Variants in AP3B2 observed in about 807,000 individuals in gnomAD.
AP3B2 encodes the protein adaptor related protein complex 3 subunit beta 2, also known as AP-3 complex subunit beta-2.
AP3B2 carries 50 observed loss-of-function variants against 126.9 expected under a neutral mutation model. The ratio of observed to expected loss-of-function variants is 0.39; its 90% CI spans 0.31 to 0.50. AP3B2 has a LOEUF of 0.50. Ranked by LOEUF, AP3B2 falls within the 20% of genes least tolerant of loss-of-function variation. The pLI, the probability that AP3B2 is intolerant of heterozygous loss-of-function variation, is 0.79. For missense variants in AP3B2, 1,177 were observed against 1,426.4 expected (o/e 0.83, Z 2.82); for synonymous variants, 541 against 565.0 (o/e 0.96, Z 0.60).
In AP3B2 at chr15:82,680,113, G is replaced by A; in HGVS notation, c.1110+62C>T. The A allele has an allele frequency of 3.1e-6, 5 of 1,602,020 alleles. No individual in the cohort carries two copies. The highest frequency in any genetic ancestry group is 4.3e-6 in the Non-Finnish European group (5 of 1,173,240). On this transcript the variant is annotated intron_variant, in intron 9 of 26. Transcript: ENST00000535359. This position sits in a 1 kb window ranked among gnomAD's most constrained non-coding sequence, Gnocchi z 6.1. ...CGGCCCCGGTCCCAGCCCCGACAAC[G>A]CCTCCAGTGCCCGCAGAAGCGGCCC...
intron 12 of AP3B2, 84 bp from the exon 13 acceptor site, chr15:82,677,467 G>A: frequency 7.1e-7 from 1 of 1,412,320 alleles, no homozygotes; most frequent in Non-Finnish European, 9.8e-7. Flanking sequence ...AGTGCCCCAG[G>A]CCCTTGGCTC....
intron 14 of AP3B2, 136 bp from the exon 15 acceptor site, chr15:82,667,069 G>C: frequency 2.4e-6 from 2 of 847,062 alleles, no homozygotes; most frequent in Non-Finnish European, 3.6e-6. Flanking sequence ...CCACCCAGCT[G>C]TCCCTCCCCA....
At position 82,659,497 on chromosome 15, in the gene AP3B2, C is replaced by CT; in HGVS notation, c.*62dup. ...GAGAGAGAGAGAAAGATGAGAGAGA[C>CT]TGACAGCCTAGGTGTCATGGGGAGG... On this transcript the variant is annotated 3_prime_UTR_variant, in exon 27 of 27. Coordinates refer to ENST00000535359, the MANE Select transcript of AP3B2 (RefSeq NM_001278512.2). 2.7e-5 allele frequency: 43 copies of CT among 1,580,400 alleles called. No individual in the cohort carries two copies. The highest frequency in any genetic ancestry group is 3.6e-5 in the Non-Finnish European group (42 of 1,156,750).
rs185180819 is a variant in AP3B2, at chr15:82,662,639, A to G, written c.2833+55T>C. 5 of 1,511,114 alleles carry G rather than the reference A, an allele frequency of 3.3e-6. No homozygotes were observed. In the African/African-American group the frequency reaches 6.9e-5, roughly 21 times the overall value. The allele number at this position is 1,511,114 out of a possible 1,614,324, so 93.6% of individuals were successfully genotyped here. A position where few individuals can be genotyped will look rare whatever the true frequency, so the allele number is the denominator to read the frequency against. On this transcript the variant is annotated intron_variant, in intron 23 of 26. Transcript: ENST00000535359. ...CAAGGAGGGTATCAGCAACCACAGA[A>G]AGACTGACTCTGCCCAGGAGCCTCC...
chr15:82,670,148 C>T (rs1156761399), intron 14 of AP3B2, among the ~76,000 whole-genome samples: 2 of 116,850 alleles, frequency 1.7e-5, no homozygotes, highest in East Asian at 5.8e-4. Flanking sequence ...TCGCTCTTGT[C>T]CCCTAGGCTG....
chr15:82,683,049 T>G (rs1248947187), intron 4 of AP3B2, among the ~76,000 whole-genome samples: 2 of 66,686 alleles, frequency 3.0e-5, no homozygotes, highest in East Asian at 3.9e-4. Context: ...CACCAGGAGT[T>G]TTTTTTTTTT....
At chr15:82,688,322 A>G (rs2048465884) in intron 4 of AP3B2, 17 of 655,604 alleles carry the variant, frequency 2.6e-5, no homozygotes, top group Non-Finnish European at 3.9e-5. Context: ...ACAAAAGGTG[A>G]GAATGGTGTG....
intron 10 of AP3B2, among the ~76,000 whole-genome samples, 171 bp from the exon 11 acceptor site, chr15:82,678,338 G>C (rs1423187397): frequency 6.6e-6 from 1 of 152,200 alleles, no homozygotes; most frequent in Non-Finnish European, 1.5e-5. Flanking sequence ...AAAAGCAAGA[G>C]GACCAGTTTG....
rs1460476074 is a variant in AP3B2 at position 82,691,957 on chromosome 15, C to A, written c.114-2504G>T. 20 of 1,416,410 alleles carry A rather than the reference C, an allele frequency of 1.4e-5. No individual in the cohort carries two copies. The East Asian group carries it at 4.6e-4, about 33-fold the overall frequency. The allele number at this position is 1,416,410 out of a possible 1,614,324, so 87.7% of individuals were successfully genotyped here. A position where few individuals can be genotyped will look rare whatever the true frequency, so the allele number is the denominator to read the frequency against. ...GATACTCAACCATCCCCACACCGTC[C>A]TTCTGCACATCGGCATAACAGACAT... On this transcript the variant is annotated intron_variant, in intron 1 of 26. Transcript: ENST00000535359.
chr15:82,682,153 G>C (rs1417739023), intron 4 of AP3B2, among the ~76,000 whole-genome samples: 1 of 142,416 alleles, frequency 7.0e-6, no homozygotes, highest in African/African-American at 2.6e-5. Context: ...CTGGGTTCAA[G>C]CGATTCTCCT....
At chr15:82,660,081 A>C in intron 25 of AP3B2, 98 bp from the exon 26 acceptor site, 1 of 1,451,524 alleles carries the variant, frequency 6.9e-7, no homozygotes, top group Non-Finnish European at 9.4e-7. Flanking sequence ...CAGGCTGGGA[A>C]GGTATCATGC....
intron 25 of AP3B2, among the ~76,000 whole-genome samples, chr15:82,661,058 C>T (rs945005803): frequency 3.9e-5 from 6 of 152,278 alleles, no homozygotes; most frequent in Non-Finnish European, 4.4e-5. Context: ...GTTGTCTCTC[C>T]TGGTTCTCCT....
Position 82,680,886 on chromosome 15 carries a change from CT to C in AP3B2, c.721del (p.Ser241AlafsTer12). 6.2e-7 allele frequency: 1 copy of C among 1,613,890 alleles called. No homozygotes were observed. Reference protein sequence around the residue: ...VEEWGQVVIISMLTRYARTQF... With the variant: ...VEEWGQVVIIXMLTRYARTQF... ...CGTGCGGGCGTAGCGGGTGAGCATG[CT>C]GATGATGACCACCTGGCCCCACTCC... On this transcript the variant is annotated frameshift_variant, in exon 7 of 27. Transcript: ENST00000535359. LOFTEE classifies it high-confidence loss of function. This position sits in a 1 kb window ranked among gnomAD's most constrained non-coding sequence, Gnocchi z 6.1.
At chr15:82,692,425 G>A in intron 1 of AP3B2, 3 of 443,162 alleles carry the variant, frequency 6.8e-6, no homozygotes, top group Non-Finnish European at 1.2e-5. Flanking sequence ...GAGGCGCTCA[G>A]CCGCACTGCA....
intron 14 of AP3B2, among the ~76,000 whole-genome samples, chr15:82,674,055 T>C (rs2048202719): frequency 6.6e-6 from 1 of 152,192 alleles, no homozygotes; most frequent in Non-Finnish European, 1.5e-5. Flanking sequence ...TCTGGTCTAG[T>C]ATCTGATTAT....
intron 1 of AP3B2, among the ~76,000 whole-genome samples, chr15:82,690,802 C>T (rs9920466): frequency 0.011 from 1,734 of 151,864 alleles, 29 homozygotes; most frequent in African/African-American, 0.04. Flanking sequence ...TACAGGTACC[C>T]GCCACCACCA....
intron 14 of AP3B2, 69 bp downstream of exon 14, chr15:82,676,392 G>A (rs527317134): frequency 2.0e-6 from 3 of 1,520,918 alleles, no homozygotes; most frequent in Middle Eastern, 1.8e-4. Flanking sequence ...CCTAGGGAGG[G>A]CCAAAAGAAT....
chr15:82,694,838 G>T (rs1440357607), intron 1 of AP3B2, among the ~76,000 whole-genome samples: 2 of 152,162 alleles, frequency 1.3e-5, no homozygotes, highest in South Asian at 4.1e-4. Context: ...GATGATTCTT[G>T]TGATATTGTA....
chr15:82,673,886 C>T (rs2048198663), intron 14 of AP3B2, among the ~76,000 whole-genome samples: 1 of 152,152 alleles, frequency 6.6e-6, no homozygotes, highest in African/African-American at 2.4e-5. Flanking sequence ...TCCCACTGTG[C>T]CCCTGGCAGA....
Sources: allele counts gnomAD v4.1 joint callset (sites outside exome capture counted in the v4.1 genomes callset), GRCh38; gene constraint gnomAD v4.1.1; non-coding constraint Gnocchi (gnomAD v3.1); transcripts MANE v1.5; gene names NCBI Gene and HGNC (gene_info 2026-07-23, HGNC 2026-07-21).